Variants in ZMYND8 observed in about 807,000 individuals in gnomAD.
ZMYND8 encodes the protein zinc finger MYND-type containing 8, also known as MYND-type zinc finger-containing chromatin reader ZMYND8.
A neutral mutation model predicts 140.8 loss-of-function variants in ZMYND8; 37 were observed. The observed-to-expected ratio is 0.26, with a 90% CI of 0.20 to 0.35. ZMYND8 has a LOEUF of 0.35. Among genes scored for constraint, ZMYND8 ranks in the 10% least tolerant of loss-of-function variants. The pLI is 1.00. For synonymous variants in ZMYND8, 592 were observed against 597.1 expected, an observed-to-expected ratio of 0.99 and a Z score of 0.12; for missense variants, 1,068 against 1,570.0, an observed-to-expected ratio of 0.68 and a Z score of 5.40.
At chr20:47,339,515 C>T (rs138933075) in intron 2 of ZMYND8, among the ~76,000 whole-genome samples, 141 of 152,212 alleles carry the variant, frequency 9.3e-4, no homozygotes, top group African/African-American at 3.2e-3. Context: ...CTCACTCTGT[C>T]GCCCAGGCTG....
At chr20:47,231,879 T>A (rs1235834163) in intron 16 of ZMYND8, among the ~76,000 whole-genome samples, 1 of 152,262 alleles carries the variant, frequency 6.6e-6, no homozygotes, top group Non-Finnish European at 1.5e-5. Context: ...AAAGATATCA[T>A]GCATTCATGG....
intron 16 of ZMYND8, among the ~76,000 whole-genome samples, chr20:47,231,248 G>A (rs2038437564): frequency 1.3e-5 from 2 of 152,120 alleles, no homozygotes; most frequent in South Asian, 4.1e-4. Context: ...GAAAGAGGAG[G>A]GGACAAGAGA....
chr20:47,312,513 C>G (rs1053402188), intron 2 of ZMYND8, among the ~76,000 whole-genome samples: 3 of 152,098 alleles, frequency 2.0e-5, no homozygotes, highest in African/African-American at 7.2e-5. Flanking sequence ...AAGGGCGGCC[C>G]AGAGAGCCCA....
intron 1 of ZMYND8, chr20:47,352,357 C>T (rs1372658678): frequency 1.4e-6 from 1 of 728,862 alleles, no homozygotes; most frequent in African/African-American, 1.9e-5. Flanking sequence ...TGCAAACAGC[C>T]ACCAAATACC....
chr20:47,299,567 A>G (rs188136795), intron 3 of ZMYND8, among the ~76,000 whole-genome samples: 4,112 of 150,700 alleles, frequency 0.027, 147 homozygotes, highest in African/African-American at 0.095. Context: ...TGGTTACCTA[A>G]TTTTTTTTTT....
intron 2 of ZMYND8, among the ~76,000 whole-genome samples, chr20:47,335,825 T>C (rs1373475581): frequency 1.3e-5 from 2 of 152,270 alleles, no homozygotes; most frequent in Non-Finnish European, 1.5e-5. Flanking sequence ...CAAGAGAAGG[T>C]AGAAGATTTC....
intron 2 of ZMYND8, among the ~76,000 whole-genome samples, chr20:47,327,127 A>G (rs115146882): frequency 0.02 from 3,019 of 152,004 alleles, 101 homozygotes; most frequent in African/African-American, 0.069. Flanking sequence ...TGGCCAGGAA[A>G]CCAGTCAGCC....
chr20:47,274,205 G>A (rs753425937), intron 11 of ZMYND8, among the ~76,000 whole-genome samples: 1 of 152,168 alleles, frequency 6.6e-6, no homozygotes, highest in African/African-American at 2.4e-5. Flanking sequence ...GAAATGTGGT[G>A]CAGGAGAACC....
intron 2 of ZMYND8, chr20:47,319,561 G>T: frequency 6.3e-6 from 1 of 159,356 alleles, no homozygotes; most frequent in Non-Finnish European, 1.4e-5. Context: ...CAATAATGCA[G>T]AAGTGGTGAT....
intron 12 of ZMYND8, among the ~76,000 whole-genome samples, chr20:47,257,034 C>T (rs2074787188): frequency 6.6e-6 from 1 of 152,182 alleles, no homozygotes; most frequent in African/African-American, 2.4e-5. Flanking sequence ...ACCGGGCCCA[C>T]CTCTTCTCTT....
intron 2 of ZMYND8, among the ~76,000 whole-genome samples, chr20:47,335,970 T>G (rs2081357011): frequency 6.6e-6 from 1 of 152,236 alleles, no homozygotes; most frequent in African/African-American, 2.4e-5. Flanking sequence ...TGGCACTTCT[T>G]GGGCTGTCAG....
At chr20:47,214,859 G>T (rs1004561979) in intron 21 of ZMYND8, among the ~76,000 whole-genome samples, 1 of 152,082 alleles carries the variant, frequency 6.6e-6, no homozygotes, top group Non-Finnish European at 1.5e-5. Context: ...TCCAAACCCT[G>T]GAGAGGAGGC....
intron 11 of ZMYND8, among the ~76,000 whole-genome samples, chr20:47,267,268 G>C (rs541219420): frequency 6.6e-6 from 1 of 152,088 alleles, no homozygotes; most frequent in East Asian, 1.9e-4. Context: ...GGAAGTTTGT[G>C]GGGGATGGGG....
intron 3 of ZMYND8, among the ~76,000 whole-genome samples, chr20:47,308,244 A>G (rs1254894187): frequency 1.4e-5 from 2 of 139,080 alleles, no homozygotes; most frequent in Non-Finnish European, 3.1e-5. Flanking sequence ...TTGGAGACAG[A>G]GTCTTGCTCT....
At chr20:47,316,456 G>A (rs2148296511) in intron 2 of ZMYND8, among the ~76,000 whole-genome samples, 1 of 152,100 alleles carries the variant, frequency 6.6e-6, no homozygotes. Flanking sequence ...CTTAATTCAA[G>A]ATAACACAGG....
intron 1 of ZMYND8, chr20:47,352,767 G>A (rs1480318743): frequency 6.5e-6 from 1 of 153,524 alleles, no homozygotes; most frequent in East Asian, 1.9e-4. Context: ...GGATGGGGGG[G>A]ACAGGCTGGC....
Position 47,221,449 on chromosome 20 carries a change from A to T in ZMYND8, c.3282T>A (p.Asp1094Glu). The part of the protein sequence containing the change: ...QSATAPQQEA[D>E]AEVNTETLNK... ...TTAGTGTTTCTGTGTTCACCTCAGC[A>T]TCCGCTTCCTGCTGAGGAGCAGTAG... Residue 1094 changes from aspartate (D) to glutamate (E), a missense_variant, in exon 20 of 23, where the codon GAT (aspartate) becomes GAA (glutamate). Around this residue, in one of 10 missense-constraint regions of ZMYND8, gnomAD observed 180 missense variants for 187.8 expected, o/e 0.96. Transcript: ENST00000471951. 6.2e-7 allele frequency: 1 copy of T among 1,614,112 alleles called. No individual in the cohort carries two copies. Among genetic ancestry groups the T allele is most frequent in the Non-Finnish European group, 8.5e-7 (1 of 1,180,018 alleles).
intron 10 of ZMYND8, 90 bp from the exon 11 acceptor site, chr20:47,276,885 A>T: frequency 8.4e-7 from 1 of 1,195,922 alleles, no homozygotes; most frequent in Non-Finnish European, 1.1e-6. Flanking sequence ...TTAGCCAAGC[A>T]TGTTTGCCAA....
chr20:47,226,536 A>G (rs184003910), intron 18 of ZMYND8, among the ~76,000 whole-genome samples: 1 of 152,342 alleles, frequency 6.6e-6, no homozygotes, highest in East Asian at 1.9e-4. Flanking sequence ...CTAGCATTCC[A>G]TGATGAACAG....
Sources: gnomAD v4.1 joint callset for allele counts (sites outside exome capture counted in the v4.1 genomes callset) on GRCh38, gnomAD v4.1.1 for gene constraint, gnomAD v4.1.1 regional missense constraint, MANE v1.5 for transcripts, NCBI Gene and HGNC (gene_info 2026-07-23, HGNC 2026-07-21) for gene names.